Variants in RAPGEF2 observed in about 807,000 individuals in gnomAD.
The protein encoded by RAPGEF2 is Rap guanine nucleotide exchange factor 2.
A neutral mutation model predicts 186.7 loss-of-function variants in RAPGEF2; 54 were observed. That is an observed-to-expected ratio of 0.29 (90% CI 0.23 to 0.36). The LOEUF is 0.36. RAPGEF2 is among the 10% of genes least tolerant of loss of function. RAPGEF2 has a pLI of 1.00. For missense variants in RAPGEF2, 1,532 were observed against 2,045.0 expected, an observed-to-expected ratio of 0.75 and a Z score of 4.84; for synonymous variants, 712 against 705.9, an observed-to-expected ratio of 1.01 and a Z score of -0.14.
At chr4:159,314,196 G>A (rs1764276208) in intron 8 of RAPGEF2, among the ~76,000 whole-genome samples, 1 of 152,120 alleles carries the variant, frequency 6.6e-6, no homozygotes, top group Non-Finnish European at 1.5e-5. Flanking sequence ...AGGCTTCTTG[G>A]CATTAATAAA....
Position 159,355,959 on chromosome 4 carries a change from G to T in RAPGEF2, c.4758G>T (p.Pro1586=), listed in dbSNP as rs78531515. 4.5e-6 allele frequency: 6 copies of T among 1,346,270 alleles called. No homozygotes were observed. Among genetic ancestry groups the T allele is most frequent in the South Asian group, 1.1e-5 (1 of 87,194 alleles). The allele number at this position is 1,346,270 out of a possible 1,614,324, so 83.4% of individuals were successfully genotyped here. ...GGCACTCCCATCCAGCCAGGAAACC[G>T]CCGGACTACAACGTGGCCCTTCAGA... is the stretch of plus-strand genomic sequence containing the variant. ...PEGHSHPARK[P]PDYNVALQRS... is the part of the protein sequence containing the mutation. Residue 1586 remains proline, a synonymous_variant, in exon 29 of 30, where the codon CCG becomes CCT. Coordinates refer to ENST00000691494, the MANE Select transcript of RAPGEF2 (RefSeq NM_001394067.2).
intron 7 of RAPGEF2, among the ~76,000 whole-genome samples, chr4:159,264,243 A>G (rs1757194910): frequency 2.0e-5 from 3 of 152,172 alleles, no homozygotes; most frequent in Non-Finnish European, 4.4e-5. Flanking sequence ...TAAGATGTGT[A>G]GGTTGTAGGC....
chr4:159,158,989 C>T (rs933953022), intron 1 of RAPGEF2, among the ~76,000 whole-genome samples: 17 of 152,180 alleles, frequency 1.1e-4, no homozygotes, highest in Middle Eastern at 6.8e-3. Flanking sequence ...TTGGTCTTAA[C>T]GGCAACACTA....
At chr4:159,327,468 C>G (rs1766080940) in intron 11 of RAPGEF2, 1 of 152,198 alleles carries the variant, frequency 6.6e-6, no homozygotes. Context: ...TCGAGACCAG[C>G]CTGGTGAAAT....
chr4:159,341,960 A>G lies in RAPGEF2; in HGVS notation c.2918+13A>G, dbSNP rs1406253678. On this transcript the variant is annotated intron_variant, in intron 20 of 29. Coordinates refer to ENST00000691494, the MANE Select transcript of RAPGEF2 (RefSeq NM_001394067.2). Reference sequence around the variant, plus strand: ...TTGCAATCATCAGGTAAGAGAGCACATTTTTTCTTAAGATTCAGTTCAGTT... The same window carrying G: ...TTGCAATCATCAGGTAAGAGAGCACGTTTTTTCTTAAGATTCAGTTCAGTT... 6.4e-7 allele frequency: 1 copy of G among 1,557,578 alleles called. No homozygotes were observed. The highest frequency in any genetic ancestry group is 8.6e-7 in the Non-Finnish European group (1 of 1,156,802).
In RAPGEF2 at chr4:159,330,314, A is replaced by C; in HGVS notation, c.1303-20A>C. The C allele has an allele frequency of 8.3e-7, 1 of 1,205,086 alleles. No individual in the cohort carries two copies. Among genetic ancestry groups the C allele is most frequent in the Non-Finnish European group, 1.1e-6 (1 of 895,538 alleles). 74.6% of individuals were successfully genotyped at this position (1,205,086 alleles called of 1,614,324 possible). On this transcript the variant is annotated intron_variant, in intron 12 of 29. Coordinates refer to ENST00000691494, the MANE Select transcript of RAPGEF2 (RefSeq NM_001394067.2). ...GTGTGTGTATATATATGTAGTAATT[A>C]AACCTTTTCTTTGTTACAGGGTACC... is the stretch of plus-strand genomic sequence containing the variant.
Position 159,255,715 on chromosome 4 carries a change from C to G in RAPGEF2, c.543+11924C>G, listed in dbSNP as rs59938608. On this transcript the variant is annotated intron_variant, in intron 7 of 29. Transcript: ENST00000691494. ...GGGTAGAGATTTTTTTTTAAATAGT[C>G]TCATTTTCTTCCATACTGTGTTTTT... Among the ~76,000 whole-genome samples the G allele has an allele frequency of 1.2e-4, 18 of 152,102 alleles. No individual in the cohort carries two copies. In the East Asian group the frequency reaches 3.3e-3, roughly 28 times the overall value.
chr4:159,182,080 C>A (rs1242783332), intron 1 of RAPGEF2, among the ~76,000 whole-genome samples: 1 of 152,096 alleles, frequency 6.6e-6, no homozygotes, highest in Non-Finnish European at 1.5e-5. Flanking sequence ...ATAGGGGAAA[C>A]AATTTTGTTT....
At chr4:159,310,836 G>T (rs1033841556) in intron 8 of RAPGEF2, among the ~76,000 whole-genome samples, 5 of 152,070 alleles carry the variant, frequency 3.3e-5, no homozygotes, top group African/African-American at 1.2e-4. Context: ...GAAAAAAAGG[G>T]TTTAAAGACA....
rs115206532 is a variant in RAPGEF2 at position 159,299,557 on chromosome 4, G to A, written c.544-4785G>A. On this transcript the variant is annotated intron_variant, in intron 7 of 29. Transcript: ENST00000691494. ...ATATCAATAATTAGTAATTCAGGAC[G>A]GAAAGGAAGAAGAAGGGCAGCCACC... Among the ~76,000 whole-genome samples, 1,479 of 152,032 alleles carry A rather than the reference G, an allele frequency of 9.7e-3. 22 individuals carry two copies. Among genetic ancestry groups the A allele is most frequent in the African/African-American group, 0.033 (1,376 of 41,468 alleles).
At chr4:159,335,162 C>T (rs1767226175) in intron 17 of RAPGEF2, among the ~76,000 whole-genome samples, 1 of 151,900 alleles carries the variant, frequency 6.6e-6, no homozygotes, top group African/African-American at 2.4e-5. Flanking sequence ...AGCTAAGATG[C>T]TAGATAATGG....
At chr4:159,263,131 G>A (rs932252359) in intron 7 of RAPGEF2, among the ~76,000 whole-genome samples, 3 of 152,078 alleles carry the variant, frequency 2.0e-5, no homozygotes, top group African/African-American at 4.8e-5. Flanking sequence ...GACTGCTTTG[G>A]GTGGGGTGTG....
chr4:159,116,629 A>G (rs529659595), intron 1 of RAPGEF2, among the ~76,000 whole-genome samples: 8 of 152,368 alleles, frequency 5.3e-5, no homozygotes, highest in South Asian at 2.1e-4. Flanking sequence ...TTGCAGCACT[A>G]TTCACAATAG....
chr4:159,317,548 C>T (rs1195342844), intron 9 of RAPGEF2, among the ~76,000 whole-genome samples: 1 of 152,124 alleles, frequency 6.6e-6, no homozygotes, highest in Non-Finnish European at 1.5e-5. Context: ...TAGGTTTGTA[C>T]TTTTCCTGTT....
chr4:159,209,357 G>A (rs1035492263), intron 3 of RAPGEF2, among the ~76,000 whole-genome samples: 2 of 152,110 alleles, frequency 1.3e-5, no homozygotes, highest in Non-Finnish European at 2.9e-5. Context: ...TTTTCACCAA[G>A]CCGATTGGCA....
chr4:159,314,525 GT>G, intron 8 of RAPGEF2, 65 bp from the exon 9 acceptor site: 6 of 1,401,014 alleles, frequency 4.3e-6, no homozygotes, highest in Non-Finnish European at 5.7e-6. Context: ...GCTTGCTCTT[GT>G]TTCTTTGGGC....
At chr4:159,265,276 A>G (rs1342811854) in intron 7 of RAPGEF2, among the ~76,000 whole-genome samples, 1 of 152,214 alleles carries the variant, frequency 6.6e-6, no homozygotes, top group Non-Finnish European at 1.5e-5. Context: ...GGAAGCAGAC[A>G]GTAACTGCTT....
In RAPGEF2 at chr4:159,103,709, GA is replaced by G. The variant is rs1737438133; in HGVS notation, c.-453del. On this transcript the variant is annotated 5_prime_UTR_variant, in exon 1 of 30. Coordinates refer to ENST00000691494, the MANE Select transcript of RAPGEF2 (RefSeq NM_001394067.2). Reference sequence around the variant, plus strand: ...GGGGGCGACCCTCAGCGCCGTGGGGGAGGAGGCTCCGCCTGCCCACAGCCCT... The same window carrying G: ...GGGGGCGACCCTCAGCGCCGTGGGGGGGAGGCTCCGCCTGCCCACAGCCCT... 1 of 152,646 alleles carries G rather than the reference GA, an allele frequency of 6.6e-6. No homozygotes were observed. Among genetic ancestry groups the G allele is most frequent in the Admixed American group, 6.5e-5 (1 of 15,280 alleles). The allele number at this position is 152,646 out of a possible 1,614,324, so 9.5% of individuals were successfully genotyped here.
In RAPGEF2 at chr4:159,346,865, G is replaced by C; in HGVS notation, c.3579G>C (p.Gln1193His). ...SPVAPRAGSQQKAQSLPQPQQ... is the reference protein window; with the variant it reads ...SPVAPRAGSQHKAQSLPQPQQ... The stretch of plus-strand genomic sequence containing the variant: ...TAGCTCCAAGGGCAGGGTCACAACA[G>C]AAAGCTCAGTCCCTGCCACAGCCCC... The change falls in exon 25 of 30, where the codon CAG (glutamine) becomes CAC (histidine). Residue 1193 changes from glutamine to histidine, a missense_variant. Gln to His is a conservative substitution (Grantham distance 24). Coordinates refer to ENST00000691494, the MANE Select transcript of RAPGEF2 (RefSeq NM_001394067.2). 6.2e-7 allele frequency: 1 copy of C among 1,614,134 alleles called. No individual in the cohort carries two copies. Among genetic ancestry groups the C allele is most frequent in the Non-Finnish European group, 8.5e-7 (1 of 1,180,014 alleles).
Sources: allele counts gnomAD v4.1 joint callset (sites outside exome capture counted in the v4.1 genomes callset), GRCh38; gene constraint gnomAD v4.1.1; transcripts MANE v1.5; gene names NCBI Gene and HGNC (gene_info 2026-07-23, HGNC 2026-07-21).